The following PRKAG2 variants were observed in gnomAD, a reference collection of about 807,000 sequenced individuals.
The protein encoded by PRKAG2 is 5'-AMP-activated protein kinase subunit gamma-2.
A neutral mutation model predicts 69.6 loss-of-function variants in PRKAG2; 26 were observed. The observed-to-expected ratio is 0.37, with a 90% CI of 0.27 to 0.52. The LOEUF (loss-of-function observed/expected upper bound fraction) is 0.52. PRKAG2 is among the 20% of genes least tolerant of loss of function. The probability of loss-of-function intolerance (pLI) is 0.90; values close to 1 mark genes in which losing one functional copy is unlikely to be tolerated. For synonymous variants in PRKAG2, 293 were observed against 285.0 expected (o/e 1.03, Z -0.28); for missense variants, 557 against 740.0 (o/e 0.75, Z 2.87).
chr7:151,673,613 T>TA (rs935977138), intron 4 of PRKAG2, among the ~76,000 whole-genome samples: 1 of 152,180 alleles, frequency 6.6e-6, no homozygotes, highest in African/African-American at 2.4e-5. Flanking sequence ...CTGTGTTTAA[T>TA]AAAATAACTG....
At chr7:151,797,383 C>T (rs1310167136) in intron 1 of PRKAG2, among the ~76,000 whole-genome samples, 1 of 152,114 alleles carries the variant, frequency 6.6e-6, no homozygotes, top group African/African-American at 2.4e-5. Context: ...GAGTTGCTGG[C>T]TGGCTCTGAG....
At chr7:151,732,133 C>CTTT (rs59078328) in intron 3 of PRKAG2, among the ~76,000 whole-genome samples, 2 of 94,880 alleles carry the variant, frequency 2.1e-5, no homozygotes, top group African/African-American at 4.4e-5. Context: ...CAGCACCTGG[C>CTTT]TTTTTTTTTT....
intron 1 of PRKAG2, among the ~76,000 whole-genome samples, chr7:151,871,320 C>T (rs1458334844): frequency 6.6e-6 from 1 of 152,246 alleles, no homozygotes; most frequent in South Asian, 2.1e-4. Flanking sequence ...ATCAGCCATG[C>T]CTTACAAGAG....
intron 1 of PRKAG2, among the ~76,000 whole-genome samples, chr7:151,825,311 C>G (rs1467934784): frequency 6.6e-6 from 1 of 152,130 alleles, no homozygotes; most frequent in African/African-American, 2.4e-5. Context: ...AGTCCTAAAC[C>G]CAAATAGGAC....
At chr7:151,708,882 CA>C (rs1352246375) in intron 3 of PRKAG2, among the ~76,000 whole-genome samples, 1 of 152,170 alleles carries the variant, frequency 6.6e-6, no homozygotes, top group African/African-American at 2.4e-5. Flanking sequence ...CAGCTCGGGG[CA>C]CCCATGGACA....
rs1036169606 is a variant in PRKAG2, at chr7:151,777,924, TG to T, written c.466+3227del. Among the ~76,000 whole-genome samples, 4 of 152,182 alleles carry T rather than the reference TG, an allele frequency of 2.6e-5. No homozygotes were observed. Among genetic ancestry groups the T allele is most frequent in the Admixed American group, 6.5e-5 (1 of 15,280 alleles). The stretch of plus-strand genomic sequence containing the variant: ...TAGTTTCTATGATCTCGTACTGCTC[TG>T]GGGTCATGGAGCCAGAGGTCACAAG... On this transcript the variant is annotated intron_variant, in intron 3 of 15. Transcript: ENST00000287878. This position sits in a 1 kb window ranked among gnomAD's most constrained non-coding sequence, Gnocchi z 4.3.
At chr7:151,786,907 C>G (rs1218114127) in intron 1 of PRKAG2, among the ~76,000 whole-genome samples, 1 of 152,210 alleles carries the variant, frequency 6.6e-6, no homozygotes, top group South Asian at 2.1e-4. Flanking sequence ...CAGCACGGAA[C>G]ATGGGTCCAG....
chr7:151,806,291 T>G (rs915673305), intron 1 of PRKAG2, among the ~76,000 whole-genome samples: 1 of 152,228 alleles, frequency 6.6e-6, no homozygotes, highest in Non-Finnish European at 1.5e-5. Context: ...GCTCAAGGGC[T>G]AACTTCCTCA....
Position 151,780,402 on chromosome 7 carries a change from C to T in PRKAG2, c.466+750G>A, listed in dbSNP as rs996529285. 2.6e-5 allele frequency among the ~76,000 whole-genome samples: 4 copies of T among 152,220 alleles called. No homozygotes were observed. Among genetic ancestry groups the T allele is most frequent in the African/African-American group, 9.7e-5 (4 of 41,444 alleles). ...TGGTCAAGGACAAATTTGTTTTCCA[C>T]ATCACTATCTTCCCCAATACAAATG... On this transcript the variant is annotated intron_variant, in intron 3 of 15. Transcript: ENST00000287878. This position sits in a 1 kb window ranked among gnomAD's most constrained non-coding sequence, Gnocchi z 4.2.
At chr7:151,700,714 G>A (rs547470547) in intron 3 of PRKAG2, among the ~76,000 whole-genome samples, 5 of 152,144 alleles carry the variant, frequency 3.3e-5, no homozygotes, top group South Asian at 2.1e-4. Flanking sequence ...TCCGCCACGC[G>A]TCCCAGGCCC....
intron 4 of PRKAG2, among the ~76,000 whole-genome samples, chr7:151,651,978 T>C (rs1248925356): frequency 6.6e-6 from 1 of 152,218 alleles, no homozygotes; most frequent in Non-Finnish European, 1.5e-5. Context: ...AGTTCTGATG[T>C]ATCGCACAGC....
chr7:151,672,767 C>A (rs1832272110), intron 4 of PRKAG2, among the ~76,000 whole-genome samples: 1 of 152,128 alleles, frequency 6.6e-6, no homozygotes, highest in South Asian at 2.1e-4. Context: ...ATTTGTTTAT[C>A]CATTCACGAC....
rs150698869 is a variant in PRKAG2, at chr7:151,866,103, T to C, written c.114+10404A>G. On this transcript the variant is annotated intron_variant, in intron 1 of 15. Transcript: ENST00000287878. ...AGATAAGAAGGGTAAAGAATAACCT[T>C]CAATGACCTTCATCTAGAAAGGGGC... Among the ~76,000 whole-genome samples, 734 of 152,142 alleles carry C rather than the reference T, an allele frequency of 4.8e-3. 28 individuals are homozygous for C. The highest frequency in any genetic ancestry group is 0.044 in the Admixed American group (672 of 15,294).
At chr7:151,691,733 T>C (rs2151530859) in intron 3 of PRKAG2, among the ~76,000 whole-genome samples, 1 of 152,340 alleles carries the variant, frequency 6.6e-6, no homozygotes, top group South Asian at 2.1e-4. Context: ...CAAACTAGTA[T>C]AGCCATTTTG....
chr7:151,689,590 A>T (rs934986485), intron 3 of PRKAG2, among the ~76,000 whole-genome samples: 2 of 152,028 alleles, frequency 1.3e-5, no homozygotes, highest in African/African-American at 2.4e-5. Context: ...ACCGTCTGTG[A>T]GTGTGGTTCC....
intron 4 of PRKAG2, among the ~76,000 whole-genome samples, chr7:151,641,439 G>C (rs1260653714): frequency 6.6e-6 from 1 of 151,848 alleles, no homozygotes; most frequent in African/African-American, 2.4e-5. Flanking sequence ...GTAGAGACAA[G>C]GTTTCACCAT....
At chr7:151,834,407 AT>A in intron 1 of PRKAG2, among the ~76,000 whole-genome samples, 1 of 152,196 alleles carries the variant, frequency 6.6e-6, no homozygotes, top group Non-Finnish European at 1.5e-5. Flanking sequence ...ATGCTGAGCC[AT>A]TGTTTTCAGG....
intron 1 of PRKAG2, among the ~76,000 whole-genome samples, chr7:151,872,150 T>C (rs2080232467): frequency 6.6e-6 from 1 of 152,124 alleles, no homozygotes; most frequent in Non-Finnish European, 1.5e-5. Context: ...ACCGGCCCCT[T>C]ATCCCAAATA....
intron 1 of PRKAG2, among the ~76,000 whole-genome samples, chr7:151,869,450 T>A (rs150327381): frequency 6.6e-6 from 1 of 152,204 alleles, no homozygotes; most frequent in Non-Finnish European, 1.5e-5. Flanking sequence ...CATGTAATGA[T>A]GAACAGGCTT....
Sources: allele counts gnomAD v4.1 joint callset (sites outside exome capture counted in the v4.1 genomes callset), GRCh38; gene constraint gnomAD v4.1.1; non-coding constraint Gnocchi (gnomAD v3.1); transcripts MANE v1.5; gene names NCBI Gene and HGNC (gene_info 2026-07-23, HGNC 2026-07-21).